The following STK17B variants were observed in gnomAD, a reference collection of about 807,000 sequenced individuals.
STK17B encodes the protein serine/threonine kinase 17b, also known as serine/threonine-protein kinase 17B.
STK17B carries 21 observed loss-of-function variants against 42.0 expected under a neutral mutation model. The observed-to-expected ratio is 0.50, with a 90% CI of 0.35 to 0.72. STK17B has a LOEUF of 0.72. Among genes scored for constraint, STK17B ranks in the 30% least tolerant of loss-of-function variants. The pLI is 0.00. For synonymous variants in STK17B, 143 were observed against 148.4 expected, an observed-to-expected ratio of 0.96 and a Z score of 0.26; for missense variants, 349 against 446.0, an observed-to-expected ratio of 0.78 and a Z score of 1.96.
chr2:196,140,583 T>C (rs1307939303), intron 6 of STK17B, among the ~76,000 whole-genome samples: 3 of 147,976 alleles, frequency 2.0e-5, no homozygotes, highest in African/African-American at 5.0e-5. Context: ...CTAGCTTTTT[T>C]TTTTTTTTTT....
upstream of STK17B, among the ~76,000 whole-genome samples, chr2:196,173,596 T>C (rs1410636467): frequency 6.6e-6 from 1 of 152,146 alleles, no homozygotes; most frequent in African/African-American, 2.4e-5. Flanking sequence ...GCAGGAAAAT[T>C]CAGAAGTCAA....
At position 196,163,422 on chromosome 2, in the gene STK17B, T is replaced by C. The variant is rs746369520; in HGVS notation, c.-39A>G. 15 of 1,542,206 alleles carry C rather than the reference T, an allele frequency of 9.7e-6. No homozygotes were observed. The South Asian group carries it at 1.5e-4, about 16-fold the overall frequency. On this transcript the variant is annotated 5_prime_UTR_variant, in exon 2 of 8. Transcript: ENST00000263955. ...CAGGTCTGCTTCTTTAGTCACTTAT[T>C]TTTACCTATGCAAAAAAAGAGAATA...
At chr2:196,174,627 C>G (rs550166267), upstream of STK17B, among the ~76,000 whole-genome samples, 26 of 152,350 alleles carry the variant, frequency 1.7e-4, no homozygotes, top group East Asian at 3.5e-3. Context: ...CTCAACCCCC[C>G]ACCCAACAGG....
intron 4 of STK17B, among the ~76,000 whole-genome samples, chr2:196,145,625 G>GT (rs1298098310): frequency 1.3e-5 from 2 of 152,208 alleles, no homozygotes; most frequent in African/African-American, 2.4e-5. Flanking sequence ...GGATGTGGTT[G>GT]TAAGAGTGGG....
intron 3 of STK17B, among the ~76,000 whole-genome samples, chr2:196,149,920 A>G (rs551017534): frequency 4.5e-4 from 69 of 152,344 alleles, no homozygotes; most frequent in Non-Finnish European, 7.6e-4. Flanking sequence ...TTGTCAGCCA[A>G]TCACACTGTC....
chr2:196,153,018 C>G (rs2105697147), intron 3 of STK17B: 1 of 152,056 alleles, frequency 6.6e-6, no homozygotes, highest in African/African-American at 2.4e-5. Flanking sequence ...CTCCTGGATT[C>G]AAGGGATCCT....
intron 3 of STK17B, among the ~76,000 whole-genome samples, chr2:196,146,734 T>C (rs1019566470): frequency 2.0e-5 from 3 of 152,076 alleles, no homozygotes; most frequent in African/African-American, 7.2e-5. Context: ...TTCTTATATA[T>C]ATATCATCTA....
intron 1 of STK17B, among the ~76,000 whole-genome samples, chr2:196,166,899 T>C (rs1699880714): frequency 6.6e-6 from 1 of 152,200 alleles, no homozygotes; most frequent in Non-Finnish European, 1.5e-5. Context: ...ATAAAGACAT[T>C]TAGAAAATCA....
intron 2 of STK17B, among the ~76,000 whole-genome samples, chr2:196,159,458 G>A (rs570040570): frequency 6.6e-6 from 1 of 151,928 alleles, no homozygotes; most frequent in East Asian, 1.9e-4. Flanking sequence ...CCACAGGCAC[G>A]CACCACCACT....
intron 3 of STK17B, among the ~76,000 whole-genome samples, chr2:196,147,728 C>T (rs1236040016): frequency 7.9e-6 from 1 of 126,544 alleles, no homozygotes; most frequent in Non-Finnish European, 1.6e-5. Context: ...ATTCATGAGA[C>T]ATAATATATT....
Position 196,141,235 on chromosome 2 carries a change from T to G in STK17B, c.656+14A>C. 2 of 1,597,282 alleles carry G rather than the reference T, an allele frequency of 1.3e-6. No homozygotes were observed. Among genetic ancestry groups the G allele is most frequent in the South Asian group, 2.2e-5 (2 of 89,458 alleles). ...TTTCCATAAAGATGTTTAAGGTAAC[T>G]AACAACATCTTACCACATATCTGTT... On this transcript the variant is annotated intron_variant, in intron 6 of 7. Transcript: ENST00000263955.
chr2:196,141,152 A>C (rs2105677586), intron 6 of STK17B, 97 bp downstream of exon 6: 1 of 823,816 alleles, frequency 1.2e-6, no homozygotes. Context: ...CTTTTGAAGA[A>C]AGCCTTATTA....
At chr2:196,174,499 A>T (rs189017036), upstream of STK17B, 1 of 152,440 alleles carries the variant, frequency 6.6e-6, no homozygotes, top group Admixed American at 6.5e-5. Flanking sequence ...TGAAGAATTC[A>T]TGTGGAAAAG....
rs1372686755 is a variant in STK17B at position 196,143,749 on chromosome 2, G to C, written c.481-63C>G. On this transcript the variant is annotated intron_variant, in intron 4 of 7. Transcript: ENST00000263955. ...CAAAAAAGCATACTAGTCTCAGATG[G>C]AAAGTATATTAAGTGGAAGATATTG... 3 of 1,337,608 alleles carry C rather than the reference G, an allele frequency of 2.2e-6. No individual in the cohort carries two copies. In the African/African-American group the frequency reaches 4.5e-5, roughly 20 times the overall value. 82.9% of individuals were successfully genotyped at this position (1,337,608 alleles called of 1,614,324 possible). A position where few individuals can be genotyped will look rare whatever the true frequency, so the allele number is the denominator to read the frequency against.
chr2:196,170,502 G>A (rs767433194), intron 1 of STK17B, among the ~76,000 whole-genome samples: 4 of 152,198 alleles, frequency 2.6e-5, no homozygotes, highest in African/African-American at 4.8e-5. Flanking sequence ...ATGTCAGAGT[G>A]CCTCTAGTCC....
intron 3 of STK17B, among the ~76,000 whole-genome samples, chr2:196,152,635 T>C (rs10165580): frequency 0.055 from 8,411 of 152,220 alleles, 362 homozygotes; most frequent in African/African-American, 0.13. Context: ...GCCATAATAA[T>C]AGTCAAAAAG....
intron 5 of STK17B, among the ~76,000 whole-genome samples, chr2:196,141,883 C>T (rs922121865): frequency 1.3e-5 from 2 of 150,610 alleles, no homozygotes; most frequent in Non-Finnish European, 3.0e-5. Context: ...CAGAAAAAAA[C>T]AATTATAAAA....
chr2:196,152,104 T>G (rs1249460074), intron 3 of STK17B, among the ~76,000 whole-genome samples: 1 of 103,612 alleles, frequency 9.7e-6, no homozygotes, highest in Non-Finnish European at 1.8e-5. Flanking sequence ...ATCAAAAAAG[T>G]GCCTTTTTTT....
At chr2:196,138,772 C>A (rs1699447772) in intron 7 of STK17B, among the ~76,000 whole-genome samples, 2 of 151,702 alleles carry the variant, frequency 1.3e-5, no homozygotes, top group South Asian at 4.2e-4. Flanking sequence ...GATGGTGTTT[C>A]ACTATATTGG....
Sources: gnomAD v4.1 joint callset for allele counts (sites outside exome capture counted in the v4.1 genomes callset) on GRCh38, gnomAD v4.1.1 for gene constraint, MANE v1.5 for transcripts, NCBI Gene and HGNC (gene_info 2026-07-23, HGNC 2026-07-21) for gene names.